The following DACH2 variants were observed in gnomAD, a reference collection of about 807,000 sequenced individuals.
DACH2 encodes the protein dachshund homolog 2.
In DACH2, 17 loss-of-function variants were observed where a neutral mutation model predicts 35.8. The observed-to-expected ratio is 0.48, with a 90% CI of 0.33 to 0.71. DACH2 has a LOEUF of 0.71. DACH2 is among the 30% of genes least tolerant of loss of function. The pLI is 0.02. For missense variants in DACH2, 469 were observed against 472.7 expected, an observed-to-expected ratio of 0.99 and a Z score of 0.07; for synonymous variants, 195 against 177.3, an observed-to-expected ratio of 1.10 and a Z score of -0.79.
intron 3 of DACH2, among the ~76,000 whole-genome samples, chrX:86,546,503 CTTTT>C (rs35560036): frequency 0.088 from 6,109 of 69,717 alleles, 258 homozygotes; most frequent in East Asian, 0.24. Context: ...CTTCTTCTTT[CTTTT>C]TTTTTTTTTT....
chrX:86,824,079 A>T (rs2042539618), intron 11 of DACH2, among the ~76,000 whole-genome samples: 1 of 110,955 alleles, frequency 9.0e-6, no homozygotes, highest in Admixed American at 9.6e-5. Flanking sequence ...AACCAGTCTG[A>T]CCTCAAATTT....
At chrX:86,617,823 A>G (rs2040024470) in intron 3 of DACH2, among the ~76,000 whole-genome samples, 1 of 112,428 alleles carries the variant, frequency 8.9e-6, no homozygotes, top group South Asian at 3.6e-4. Context: ...ATTAGTTTAT[A>G]ATGAAAGCCT....
chrX:86,177,309 A>G (rs1416445152), intron 1 of DACH2, among the ~76,000 whole-genome samples: 2 of 111,935 alleles, frequency 1.8e-5, no homozygotes, highest in Non-Finnish European at 3.8e-5. Context: ...TCAAAGTGGC[A>G]GAAACCAAAT....
chrX:86,575,328 T>A lies in DACH2; in HGVS notation c.640+60937T>A, dbSNP rs374410222. ...TGAATTAAAAACAAATTGTTCATTA[T>A]GTTCAGCTGCAATGCAATGGTGGGG... On this transcript the variant is annotated intron_variant, in intron 3 of 11. Coordinates refer to ENST00000373125, the MANE Select transcript of DACH2 (RefSeq NM_053281.3). Among the ~76,000 whole-genome samples the A allele has an allele frequency of 4.5e-5, 5 of 111,209 alleles. No individual in the cohort carries two copies. The East Asian group carries it at 1.4e-3, about 32-fold the overall frequency.
At chrX:86,552,072 C>A (rs2039056894) in intron 3 of DACH2, among the ~76,000 whole-genome samples, 1 of 111,623 alleles carries the variant, frequency 9.0e-6, no homozygotes, top group African/African-American at 3.3e-5. Flanking sequence ...TCTTATTAAA[C>A]CAGCTAATCT....
intron 7 of DACH2, among the ~76,000 whole-genome samples, chrX:86,765,698 G>GTTTTTTTTTTTTTTTTTT (rs60709865): frequency 4.1e-5 from 1 of 24,635 alleles, no homozygotes; most frequent in Admixed American, 8.3e-4. Flanking sequence ...TTGTTTTTTG[G>GTTTTTTTTTTTTTTTTTT]TTTTTTTTTT....
chrX:86,256,204 A>G (rs1186927241), intron 1 of DACH2, among the ~76,000 whole-genome samples: 1 of 111,500 alleles, frequency 9.0e-6, no homozygotes, highest in African/African-American at 3.3e-5. Context: ...ATCAGTGAAG[A>G]TACTAATTGA....
chrX:86,176,821 G>A (rs1309505688), intron 1 of DACH2, among the ~76,000 whole-genome samples: 1 of 111,756 alleles, frequency 8.9e-6, no homozygotes, highest in Non-Finnish European at 1.9e-5. Flanking sequence ...ATCATTTAGT[G>A]TTAACATTAT....
Position 86,585,422 on chromosome X carries a change from G to A in DACH2, c.641-65614G>A, listed in dbSNP as rs767920370. On this transcript the variant is annotated intron_variant, in intron 3 of 11. Coordinates refer to ENST00000373125, the MANE Select transcript of DACH2 (RefSeq NM_053281.3). ...ATCATTTAACTTTTATTTTAGGTTCGGGGTACACATGCAGGTTTGTTAAAC... is the reference window on the plus strand; with the variant it reads ...ATCATTTAACTTTTATTTTAGGTTCAGGGTACACATGCAGGTTTGTTAAAC... 1.9e-3 allele frequency among the ~76,000 whole-genome samples: 209 copies of A among 110,237 alleles called. 1 individual carries two copies. Among genetic ancestry groups the A allele is most frequent in the African/African-American group, 6.7e-3 (203 of 30,458 alleles).
chrX:86,671,465 A>T (rs2040763393), intron 4 of DACH2, among the ~76,000 whole-genome samples: 1 of 111,054 alleles, frequency 9.0e-6, no homozygotes, highest in Non-Finnish European at 1.9e-5. Context: ...TGATGTGAAG[A>T]TTTCCCCCTT....
chrX:86,233,917 G>A (rs1010583280), intron 1 of DACH2, among the ~76,000 whole-genome samples: 4 of 111,771 alleles, frequency 3.6e-5, no homozygotes, highest in Non-Finnish European at 7.5e-5. Context: ...ATCTCCTACC[G>A]TGTCCCTCCC....
chrX:86,435,855 A>G (rs1451434231), intron 2 of DACH2, among the ~76,000 whole-genome samples: 1 of 111,836 alleles, frequency 8.9e-6, no homozygotes. Flanking sequence ...GTTAGCATGT[A>G]CAAAATAGCA....
intron 2 of DACH2, among the ~76,000 whole-genome samples, chrX:86,407,399 C>T (rs1023992065): frequency 4.5e-5 from 5 of 111,627 alleles, no homozygotes; most frequent in East Asian, 2.8e-4. Flanking sequence ...GTCAATAAAG[C>T]GTGGCTTTTC....
intron 1 of DACH2, among the ~76,000 whole-genome samples, chrX:86,276,786 G>A (rs957228711): frequency 8.9e-6 from 1 of 112,053 alleles, no homozygotes; most frequent in Non-Finnish European, 1.9e-5. Flanking sequence ...TGAAGAGACT[G>A]CCTTTTCTCC....
intron 7 of DACH2, among the ~76,000 whole-genome samples, chrX:86,803,535 CA>C (rs1455234778): frequency 9.1e-6 from 1 of 110,324 alleles, no homozygotes; most frequent in East Asian, 2.8e-4. Context: ...TATTCATGTA[CA>C]ATCTTGTCTT....
chrX:86,588,918 G>A (rs2039608844), intron 3 of DACH2, among the ~76,000 whole-genome samples: 1 of 111,476 alleles, frequency 9.0e-6, no homozygotes, highest in Non-Finnish European at 1.9e-5. Context: ...AGTGCTGAGA[G>A]CTTGCATCCT....
chrX:86,773,415 G>T (rs2042004516), intron 7 of DACH2, among the ~76,000 whole-genome samples: 1 of 111,818 alleles, frequency 8.9e-6, no homozygotes, highest in African/African-American at 3.2e-5. Context: ...CTGACAGAAT[G>T]AAGTGTTGAA....
intron 11 of DACH2, among the ~76,000 whole-genome samples, chrX:86,821,052 T>A (rs1489342347): frequency 1.8e-5 from 2 of 111,317 alleles, no homozygotes; most frequent in Non-Finnish European, 3.8e-5. Context: ...CAAGAGAAAC[T>A]AAAAGGAGAA....
chrX:86,574,354 C>T (rs910857845), intron 3 of DACH2, among the ~76,000 whole-genome samples: 1 of 111,355 alleles, frequency 9.0e-6, no homozygotes, highest in African/African-American at 3.3e-5. Context: ...AACTATGCAT[C>T]ACTAATGCTT....
Sources: allele counts gnomAD v4.1 joint callset (sites outside exome capture counted in the v4.1 genomes callset), GRCh38; gene constraint gnomAD v4.1.1; transcripts MANE v1.5; gene names NCBI Gene and HGNC (gene_info 2026-07-23, HGNC 2026-07-21).